GREB1L: variants seen among roughly 807,000 people sequenced by gnomAD.
GREB1L encodes GREB1 like retinoic acid receptor coactivator.
Under a neutral mutation model 200.8 loss-of-function variants are expected in GREB1L, and 17 were observed. That is an observed-to-expected ratio of 0.08 (90% CI 0.06 to 0.13). The LOEUF (loss-of-function observed/expected upper bound fraction) is 0.13. GREB1L is among the 10% of genes least tolerant of loss of function. The probability of loss-of-function intolerance (pLI) is 1.00; values close to 1 mark genes in which losing one functional copy is unlikely to be tolerated. For missense variants in GREB1L, 1,657 were observed against 2,367.7 expected (o/e 0.70, Z 6.23); for synonymous variants, 789 against 893.0 (o/e 0.88, Z 2.08).
At chr18:21,346,921 ATTAT>A (rs1164251122) in intron 1 of GREB1L, among the ~76,000 whole-genome samples, 5 of 151,910 alleles carry the variant, frequency 3.3e-5, no homozygotes, top group African/African-American at 1.2e-4. Flanking sequence ...CCTCCTTCTA[ATTAT>A]TTCTTCCTGC....
intron 15 of GREB1L, among the ~76,000 whole-genome samples, chr18:21,466,514 A>C (rs2035268408): frequency 6.6e-6 from 1 of 152,150 alleles, no homozygotes; most frequent in Non-Finnish European, 1.5e-5. Flanking sequence ...TAATCACAAG[A>C]ATATCCAAAA....
rs542069378 is a variant in GREB1L, at chr18:21,356,152, T to G, written c.-119-9875T>G. Among the ~76,000 whole-genome samples, 164 of 151,798 alleles carry G rather than the reference T, an allele frequency of 1.1e-3. 1 individual carries two copies. Among genetic ancestry groups the G allele is most frequent in the Middle Eastern group, 3.4e-3 (1 of 294 alleles). Reference sequence around the variant, plus strand: ...CCACACCCAACTAATTTTTTTTTTTTTTGTATTTTTAGTAGAGATGGGGTT... The same window carrying G: ...CCACACCCAACTAATTTTTTTTTTTGTTGTATTTTTAGTAGAGATGGGGTT... On this transcript the variant is annotated intron_variant, in intron 1 of 32. Transcript: ENST00000424526.
intron 15 of GREB1L, chr18:21,455,087 C>G (rs547398930): frequency 6.5e-6 from 1 of 152,982 alleles, no homozygotes; most frequent in East Asian, 1.9e-4. Context: ...AAATGTTTTT[C>G]CCAGAAAATG....
chr18:21,337,953 C>G (rs2039212654), intron 1 of GREB1L, among the ~76,000 whole-genome samples: 1 of 151,946 alleles, frequency 6.6e-6, no homozygotes, highest in Non-Finnish European at 1.5e-5. Flanking sequence ...CACCACTGCA[C>G]TGCAGCCTAG....
chr18:21,428,316 G>GTTTTTGTC, intron 7 of GREB1L, among the ~76,000 whole-genome samples: 3 of 138,798 alleles, frequency 2.2e-5, no homozygotes, highest in Non-Finnish European at 4.7e-5. Flanking sequence ...TTTATTTTGG[G>GTTTTTGTC]TTTTTGTCTT....
chr18:21,286,812 T>G (rs1333869877), intron 1 of GREB1L, among the ~76,000 whole-genome samples: 1 of 152,174 alleles, frequency 6.6e-6, no homozygotes, highest in African/African-American at 2.4e-5. Context: ...GTTTTGATTT[T>G]ATTTTGATTT....
intron 1 of GREB1L, among the ~76,000 whole-genome samples, chr18:21,355,715 T>A (rs1405952158): frequency 6.6e-6 from 1 of 152,190 alleles, no homozygotes; most frequent in Admixed American, 6.5e-5. Flanking sequence ...AAAGGCATGT[T>A]AGATGAGAAC....
intron 1 of GREB1L, among the ~76,000 whole-genome samples, chr18:21,347,649 G>T (rs2039367945): frequency 6.6e-6 from 1 of 151,036 alleles, no homozygotes; most frequent in Non-Finnish European, 1.5e-5. Flanking sequence ...TAGAGACGGG[G>T]TTTTGCCATG....
chr18:21,438,787 T>C (rs1365804067), intron 7 of GREB1L, among the ~76,000 whole-genome samples: 1 of 150,420 alleles, frequency 6.6e-6, no homozygotes, highest in Non-Finnish European at 1.5e-5. Context: ...TGAAACCCCA[T>C]CTCTACTAAA....
In GREB1L at chr18:21,441,455, C is replaced by G; in HGVS notation, c.1125C>G (p.Pro375=). Residue 375 remains proline (P), a synonymous_variant, in exon 10 of 33, where the codon CCC becomes CCG. Coordinates refer to ENST00000424526, the MANE Select transcript of GREB1L (RefSeq NM_001142966.3). The stretch of plus-strand genomic sequence containing the variant: ...CCCCACTAACTGGAATTTTACAACC[C>G]AGGCCCATTCCTGCAGGGGAAACTG... ...PQTPLTGILQ[P]RPIPAGETVI... 1 of 1,551,546 alleles carries G rather than the reference C, an allele frequency of 6.4e-7. No individual in the cohort carries two copies. Among genetic ancestry groups the G allele is most frequent in the Non-Finnish European group, 8.7e-7 (1 of 1,146,870 alleles).
Position 21,525,573 on chromosome 18 carries a change from A to AATC in GREB1L, c.*2753_*2755dup, listed in dbSNP as rs943203346. ...GTTGAAAACATACATAGTAGATACC[A>AATC]ATCTTTTATTTGACAGATTGCAACT... On this transcript the variant is annotated 3_prime_UTR_variant, in exon 33 of 33. Transcript: ENST00000424526. 2.0e-5 allele frequency among the ~76,000 whole-genome samples: 3 copies of AATC among 152,186 alleles called. No homozygotes were observed. Among genetic ancestry groups the AATC allele is most frequent in the African/African-American group, 7.2e-5 (3 of 41,442 alleles).
At chr18:21,379,332 G>A (rs537760201) in intron 2 of GREB1L, among the ~76,000 whole-genome samples, 4 of 152,070 alleles carry the variant, frequency 2.6e-5, no homozygotes, top group East Asian at 3.9e-4. Context: ...TCAGCCTCCC[G>A]AGTAGCTGGG....
chr18:21,433,031 T>C (rs2033282899), intron 7 of GREB1L, among the ~76,000 whole-genome samples: 1 of 152,156 alleles, frequency 6.6e-6, no homozygotes, highest in African/African-American at 2.4e-5. Context: ...CATATAAAAA[T>C]AGAATAATAA....
At chr18:21,252,701 C>G (rs967149860) in intron 1 of GREB1L, among the ~76,000 whole-genome samples, 4 of 151,692 alleles carry the variant, frequency 2.6e-5, no homozygotes, top group Non-Finnish European at 4.4e-5. Flanking sequence ...AACCCTGTCT[C>G]TACTAAAAAT....
Position 21,316,882 on chromosome 18 carries a change from C to T in GREB1L, c.-119-49145C>T, listed in dbSNP as rs569374366. 9.9e-5 allele frequency: 15 copies of T among 151,620 alleles called. No homozygotes were observed. The East Asian group carries it at 2.9e-3, about 29-fold the overall frequency. The allele number at this position is 151,620 out of a possible 1,614,324, so 9.4% of individuals were successfully genotyped here. A position where few individuals can be genotyped will look rare whatever the true frequency, so the allele number is the denominator to read the frequency against. On this transcript the variant is annotated intron_variant, in intron 1 of 32. Transcript: ENST00000424526. ...TTCAAGCAATTCTCCCTGCCTCAGC[C>T]TCCGGAGTAGCTGGGATTACAGGCA... is the stretch of plus-strand genomic sequence containing the variant.
chr18:21,373,599 G>C (rs1444840304), intron 2 of GREB1L, among the ~76,000 whole-genome samples: 1 of 152,190 alleles, frequency 6.6e-6, no homozygotes, highest in Admixed American at 6.5e-5. Context: ...CTCCCAAAGT[G>C]CTGGGATTCC....
At chr18:21,343,731 T>A (rs2039301379) in intron 1 of GREB1L, among the ~76,000 whole-genome samples, 1 of 76,748 alleles carries the variant, frequency 1.3e-5, no homozygotes, top group Admixed American at 1.1e-4. Flanking sequence ...AGAAGAGAGA[T>A]TTTTTTTTTT....
intron 7 of GREB1L, among the ~76,000 whole-genome samples, chr18:21,418,064 C>A (rs1333371044): frequency 6.6e-6 from 1 of 151,502 alleles, no homozygotes; most frequent in Non-Finnish European, 1.5e-5. Flanking sequence ...AAATTTAAAT[C>A]TATTTAAAAG....
intron 7 of GREB1L, among the ~76,000 whole-genome samples, chr18:21,406,428 A>G (rs2030242802): frequency 1.3e-5 from 2 of 152,260 alleles, no homozygotes; most frequent in South Asian, 4.1e-4. Context: ...ACAATTTCAG[A>G]TGCAACCCAG....
Sources: allele counts gnomAD v4.1 joint callset (sites outside exome capture counted in the v4.1 genomes callset), GRCh38; gene constraint gnomAD v4.1.1; transcripts MANE v1.5; gene names NCBI Gene and HGNC (gene_info 2026-07-23, HGNC 2026-07-21).